Variants in PAPPA2 observed in about 807,000 individuals in gnomAD.
PAPPA2 encodes the protein pappalysin 2.
In PAPPA2, 86 loss-of-function variants were observed where a neutral mutation model predicts 176.4. That is an observed-to-expected ratio of 0.49 (90% CI 0.41 to 0.58). PAPPA2 has a LOEUF of 0.58. Ranked by LOEUF, PAPPA2 falls within the 20% of genes least tolerant of loss-of-function variation. PAPPA2 has a pLI of 0.00. For synonymous variants in PAPPA2, 809 were observed against 852.2 expected, an observed-to-expected ratio of 0.95 and a Z score of 0.88; for missense variants, 2,073 against 2,256.9, an observed-to-expected ratio of 0.92 and a Z score of 1.65.
intron 17 of PAPPA2, among the ~76,000 whole-genome samples, chr1:176,785,180 A>G (rs1177840553): frequency 6.6e-6 from 1 of 152,196 alleles, no homozygotes; most frequent in African/African-American, 2.4e-5. Flanking sequence ...ACTAGGAAGA[A>G]TCCAGAACAC....
intron 3 of PAPPA2, among the ~76,000 whole-genome samples, chr1:176,626,465 C>T (rs931268787): frequency 6.6e-6 from 1 of 152,000 alleles, no homozygotes; most frequent in African/African-American, 2.4e-5. Context: ...TACCTTTTAC[C>T]CTCAGTATGG....
At chr1:176,464,253 G>C (rs1651512514) in intron 1 of PAPPA2, among the ~76,000 whole-genome samples, 1 of 152,134 alleles carries the variant, frequency 6.6e-6, no homozygotes. Context: ...TTAACCTCTA[G>C]GAGTACAGAA....
chr1:176,796,603 T>A (rs765994873), intron 20 of PAPPA2, among the ~76,000 whole-genome samples: 1 of 37,292 alleles, frequency 2.7e-5, no homozygotes, highest in Non-Finnish European at 4.5e-5. Context: ...TCTCTTTCTT[T>A]TCTTTTCTTT....
chr1:176,570,173 A>T (rs1506781), intron 2 of PAPPA2, among the ~76,000 whole-genome samples: 1 of 152,104 alleles, frequency 6.6e-6, no homozygotes, highest in Non-Finnish European at 1.5e-5. Context: ...GAGAAAGGTA[A>T]ATCTTGCTAC....
chr1:176,622,203 C>T (rs145224726), intron 3 of PAPPA2, among the ~76,000 whole-genome samples: 83 of 152,200 alleles, frequency 5.5e-4, no homozygotes, highest in Non-Finnish European at 9.9e-4. Flanking sequence ...GAGAAGTGTA[C>T]CAGTTTATCT....
intron 15 of PAPPA2, 70 bp from the exon 16 acceptor site, chr1:176,769,537 C>G (rs1003764016): frequency 8.7e-6 from 13 of 1,496,678 alleles, no homozygotes; most frequent in Middle Eastern, 3.4e-4. Context: ...CAAGACTCTT[C>G]TAAAGCCTGG....
At chr1:176,507,759 A>G (rs1224709396) in intron 1 of PAPPA2, among the ~76,000 whole-genome samples, 1 of 152,010 alleles carries the variant, frequency 6.6e-6, no homozygotes, top group Admixed American at 6.6e-5. Context: ...AAGCAGGGAT[A>G]CAGTAGACAT....
intron 8 of PAPPA2, among the ~76,000 whole-genome samples, 187 bp downstream of exon 8, chr1:176,699,776 G>A (rs1350463749): frequency 1.3e-5 from 2 of 152,160 alleles, no homozygotes; most frequent in Non-Finnish European, 2.9e-5. Context: ...GGGCAAGCAG[G>A]TGTCTGATTG....
intron 21 of PAPPA2, among the ~76,000 whole-genome samples, chr1:176,837,189 GA>G (rs1423501535): frequency 6.6e-6 from 1 of 152,122 alleles, no homozygotes; most frequent in African/African-American, 2.4e-5. Flanking sequence ...AACCCAGCTA[GA>G]AAAGCCGTGG....
chr1:176,809,134 T>A lies in PAPPA2; in HGVS notation c.5202+9002T>A, dbSNP rs147231131. Among the ~76,000 whole-genome samples the A allele has an allele frequency of 2.6e-5, 4 of 152,324 alleles. No homozygotes were observed. The East Asian group carries it at 7.7e-4, about 29-fold the overall frequency. The stretch of plus-strand genomic sequence containing the variant: ...ATATGGTTACACATTTGCTTCTATC[T>A]CAAACACTGCTTATAGTTTGGTACT... On this transcript the variant is annotated intron_variant, in intron 21 of 22. Transcript: ENST00000367662.
At position 176,631,048 on chromosome 1, in the gene PAPPA2, C is replaced by A. The variant is rs367962415; in HGVS notation, c.1991+35453C>A. ...AACACCAGACAGTTAAATGAGGAGA[C>A]GTTAGAAGAAAAATGCTTCGACGAA... On this transcript the variant is annotated intron_variant, in intron 3 of 22. Transcript: ENST00000367662. Among the ~76,000 whole-genome samples, 78 of 151,922 alleles carry A rather than the reference C, an allele frequency of 5.1e-4. 1 individual carries two copies. The highest frequency in any genetic ancestry group is 1.8e-3 in the Admixed American group (27 of 15,258).
chr1:176,486,182 G>T (rs1157715524), intron 1 of PAPPA2, among the ~76,000 whole-genome samples: 1 of 152,210 alleles, frequency 6.6e-6, no homozygotes, highest in Non-Finnish European at 1.5e-5. Context: ...GAAAGATAGA[G>T]AACTTTTCTT....
chr1:176,712,105 T>A, intron 12 of PAPPA2, 124 bp downstream of exon 12: 1 of 1,194,366 alleles, frequency 8.4e-7, no homozygotes. Context: ...TTTTGTTATC[T>A]CAAAGTGTTA....
intron 21 of PAPPA2, among the ~76,000 whole-genome samples, chr1:176,838,632 G>A (rs1440931168): frequency 1.3e-5 from 2 of 152,208 alleles, no homozygotes; most frequent in East Asian, 1.9e-4. Flanking sequence ...TGCAGTTCGG[G>A]ACCTGAGTCT....
intron 1 of PAPPA2, among the ~76,000 whole-genome samples, chr1:176,497,719 A>T (rs533869048): frequency 1.1e-4 from 16 of 152,336 alleles, no homozygotes; most frequent in African/African-American, 3.6e-4. Flanking sequence ...CTTGAGATGA[A>T]GAACAAGTTC....
intron 3 of PAPPA2, among the ~76,000 whole-genome samples, chr1:176,654,142 A>G (rs1188455650): frequency 1.3e-5 from 2 of 151,732 alleles, no homozygotes; most frequent in African/African-American, 2.4e-5. Context: ...ATCAACATCC[A>G]GAAGAGTTTT....
chr1:176,730,735 A>G (rs1311200588), intron 12 of PAPPA2, among the ~76,000 whole-genome samples: 1 of 151,874 alleles, frequency 6.6e-6, no homozygotes, highest in Non-Finnish European at 1.5e-5. Context: ...TAGGTGTTCC[A>G]TAATTTTCCC....
intron 21 of PAPPA2, among the ~76,000 whole-genome samples, chr1:176,827,324 A>T (rs1404737690): frequency 1.3e-5 from 2 of 152,204 alleles, no homozygotes; most frequent in Non-Finnish European, 2.9e-5. Context: ...ATACAGATTA[A>T]ATTCTTCTGG....
chr1:176,591,326 T>C (rs900514204), intron 2 of PAPPA2, among the ~76,000 whole-genome samples: 19 of 152,282 alleles, frequency 1.2e-4, no homozygotes, highest in African/African-American at 4.3e-4. Flanking sequence ...AGCCCTAATC[T>C]CATGGGCAGA....
Sources: allele counts gnomAD v4.1 joint callset (sites outside exome capture counted in the v4.1 genomes callset), GRCh38; gene constraint gnomAD v4.1.1; transcripts MANE v1.5; gene names NCBI Gene and HGNC (gene_info 2026-07-23, HGNC 2026-07-21).